Variants in ATRNL1 observed in about 807,000 individuals in gnomAD.
ATRNL1 encodes the protein attractin-like protein 1.
A neutral mutation model predicts 182.7 loss-of-function variants in ATRNL1; 95 were observed. The ratio of observed to expected loss-of-function variants is 0.52; its 90% CI spans 0.44 to 0.62. The LOEUF (loss-of-function observed/expected upper bound fraction) is 0.62, where lower values mean the gene tolerates loss of function less well. Ranked by LOEUF, ATRNL1 falls within the 20% of genes least tolerant of loss-of-function variation. ATRNL1 has a pLI of 0.00. For missense variants in ATRNL1, 1,471 were observed against 1,679.5 expected, an observed-to-expected ratio of 0.88 and a Z score of 2.17; for synonymous variants, 576 against 568.3, an observed-to-expected ratio of 1.01 and a Z score of -0.19.
At chr10:115,228,103 A>G (rs782728603) in intron 9 of ATRNL1, among the ~76,000 whole-genome samples, 26 of 152,186 alleles carry the variant, frequency 1.7e-4, no homozygotes, top group Non-Finnish European at 3.5e-4. Flanking sequence ...TTGACTTCTT[A>G]TATGCTAAAA....
intron 27 of ATRNL1, among the ~76,000 whole-genome samples, chr10:115,846,796 T>A (rs1405075220): frequency 2.0e-5 from 3 of 152,110 alleles, no homozygotes; most frequent in Non-Finnish European, 4.4e-5. Flanking sequence ...CTGCATTGTG[T>A]GATTAAGAAT....
At chr10:115,870,177 G>T (rs1218624098) in intron 28 of ATRNL1, among the ~76,000 whole-genome samples, 1 of 152,002 alleles carries the variant, frequency 6.6e-6, no homozygotes, top group Non-Finnish European at 1.5e-5. Context: ...GCCAACTGAG[G>T]TATTTTGAAT....
intron 26 of ATRNL1, among the ~76,000 whole-genome samples, chr10:115,725,077 T>A (rs1947551961): frequency 6.6e-6 from 1 of 152,204 alleles, no homozygotes; most frequent in South Asian, 2.1e-4. Flanking sequence ...GTGCCCTAAT[T>A]ATTTCCATTT....
chr10:115,833,362 T>G (rs1304129627), intron 27 of ATRNL1, among the ~76,000 whole-genome samples: 1 of 152,158 alleles, frequency 6.6e-6, no homozygotes, highest in African/African-American at 2.4e-5. Context: ...TTGATTTTAC[T>G]TTTCACGGCA....
At chr10:115,453,912 C>T (rs1847398996) in intron 21 of ATRNL1, among the ~76,000 whole-genome samples, 1 of 151,374 alleles carries the variant, frequency 6.6e-6, no homozygotes, top group Non-Finnish European at 1.5e-5. Context: ...CTAACCTGCA[C>T]ATTGTGCACA....
intron 26 of ATRNL1, among the ~76,000 whole-genome samples, chr10:115,569,532 G>A (rs782699858): frequency 2.2e-4 from 33 of 152,250 alleles, no homozygotes; most frequent in Non-Finnish European, 4.1e-4. Context: ...GGGAAATGAT[G>A]TTTTAAAGTG....
chr10:115,381,448 T>TTTTTTTTTTTTTTTTTTTTG (rs1554951054), intron 19 of ATRNL1, among the ~76,000 whole-genome samples: 1 of 144,588 alleles, frequency 6.9e-6, no homozygotes, highest in Non-Finnish European at 1.5e-5. Context: ...TTTTTTTTTT[T>TTTTTTTTTTTTTTTTTTTTG]TAGTAGACAT....
rs1258948543 is a variant in ATRNL1, at chr10:115,941,851, T to C, written c.4019-2807T>C. Among the ~76,000 whole-genome samples, 5 of 152,200 alleles carry C rather than the reference T, an allele frequency of 3.3e-5. No individual in the cohort carries two copies. The South Asian group carries it at 1.0e-3, about 32-fold the overall frequency. The stretch of plus-strand genomic sequence containing the variant: ...ATTAAACAAATAATGAAATAATTAT[T>C]TACTACTGCAGAATAAGTGTTTAAA... On this transcript the variant is annotated intron_variant, in intron 28 of 28. Transcript: ENST00000355044.
intron 28 of ATRNL1, among the ~76,000 whole-genome samples, chr10:115,850,927 G>T (rs548914599): frequency 6.6e-6 from 1 of 152,288 alleles, no homozygotes; most frequent in African/African-American, 2.4e-5. Context: ...CAACCCCACT[G>T]TGTGAAGGAC....
chr10:115,310,100 T>C (rs1355078659), intron 17 of ATRNL1, among the ~76,000 whole-genome samples: 1 of 152,194 alleles, frequency 6.6e-6, no homozygotes. Flanking sequence ...CCTGTAATTA[T>C]TTGAGATTAT....
chr10:115,896,850 T>TA (rs1384698495), intron 28 of ATRNL1, among the ~76,000 whole-genome samples: 2 of 152,128 alleles, frequency 1.3e-5, no homozygotes, highest in Non-Finnish European at 2.9e-5. Context: ...TAGTGTACTA[T>TA]AAAAAGGCAT....
chr10:115,168,040 T>C (rs527778275), intron 7 of ATRNL1, among the ~76,000 whole-genome samples: 1 of 152,272 alleles, frequency 6.6e-6, no homozygotes, highest in African/African-American at 2.4e-5. Flanking sequence ...TCTTTCTCTA[T>C]ATATTGGTCC....
At chr10:115,178,155 C>T (rs1387340178) in intron 8 of ATRNL1, among the ~76,000 whole-genome samples, 1 of 151,850 alleles carries the variant, frequency 6.6e-6, no homozygotes, top group African/African-American at 2.4e-5. Context: ...AGTGATCTGC[C>T]TTCTTCGACC....
intron 10 of ATRNL1, among the ~76,000 whole-genome samples, chr10:115,250,858 T>C (rs573561402): frequency 1.3e-5 from 2 of 152,192 alleles, no homozygotes; most frequent in Non-Finnish European, 2.9e-5. Context: ...TAGCATAATG[T>C]TGTTAATGTA....
rs1481943652 is a variant in ATRNL1 at position 115,586,770 on chromosome 10, C to T, written c.3795+37234C>T. On this transcript the variant is annotated intron_variant, in intron 26 of 28. Coordinates refer to ENST00000355044, the MANE Select transcript of ATRNL1 (RefSeq NM_207303.4). ...CTCTCAGCTCGTCAAAGTCATTCTC[C>T]GTCCAGCTTTGTTCCATTGCTGGTG... Among the ~76,000 whole-genome samples the T allele has an allele frequency of 4.8e-4, 57 of 118,852 alleles. 3 individuals are homozygous for T. The highest frequency in any genetic ancestry group is 1.4e-3 in the African/African-American group (54 of 37,334). 78.0% of individuals were successfully genotyped at this position (118,852 alleles called of 152,430 possible).
At chr10:115,744,539 T>C (rs1948234879) in intron 27 of ATRNL1, among the ~76,000 whole-genome samples, 1 of 152,124 alleles carries the variant, frequency 6.6e-6, no homozygotes, top group African/African-American at 2.4e-5. Context: ...CAAAGCACCA[T>C]AGGATCTCAG....
intron 19 of ATRNL1, among the ~76,000 whole-genome samples, chr10:115,337,790 G>A (rs192939362): frequency 4.9e-4 from 75 of 152,188 alleles, no homozygotes; most frequent in African/African-American, 1.8e-3. Flanking sequence ...CCATTCATCT[G>A]TTAATACAGC....
chr10:115,693,623 G>T (rs191795878), intron 26 of ATRNL1, among the ~76,000 whole-genome samples: 2 of 152,204 alleles, frequency 1.3e-5, no homozygotes, highest in South Asian at 2.1e-4. Flanking sequence ...AAGAAACCCA[G>T]ATAGGATAGC....
At chr10:115,177,532 G>C (rs992913789) in intron 8 of ATRNL1, among the ~76,000 whole-genome samples, 1 of 152,136 alleles carries the variant, frequency 6.6e-6, no homozygotes, top group South Asian at 2.1e-4. Flanking sequence ...CCATTTAAAG[G>C]TCCAGGCTTT....
Sources: gnomAD v4.1 joint callset for allele counts (sites outside exome capture counted in the v4.1 genomes callset) on GRCh38, gnomAD v4.1.1 for gene constraint, MANE v1.5 for transcripts, NCBI Gene and HGNC (gene_info 2026-07-23, HGNC 2026-07-21) for gene names.